Variants in PPP3CA observed in about 807,000 individuals in gnomAD.
PPP3CA encodes protein phosphatase 3 catalytic subunit alpha.
PPP3CA carries 14 observed loss-of-function variants against 66.5 expected under a neutral mutation model. The observed-to-expected ratio is 0.21, with a 90% CI of 0.14 to 0.33. PPP3CA has a LOEUF of 0.33. Ranked by LOEUF, PPP3CA falls within the 10% of genes least tolerant of loss-of-function variation. PPP3CA has a pLI of 1.00. For missense variants in PPP3CA, 317 were observed against 639.5 expected (o/e 0.50, Z 5.44); for synonymous variants, 232 against 226.2 (o/e 1.03, Z -0.23).
At chr4:101,039,805 C>T (rs1207121135) in intron 11 of PPP3CA, among the ~76,000 whole-genome samples, 1 of 144,402 alleles carries the variant, frequency 6.9e-6, no homozygotes, top group Non-Finnish European at 1.6e-5. Flanking sequence ...TTCCTATTTA[C>T]TCGCTAATAT....
intron 2 of PPP3CA, among the ~76,000 whole-genome samples, chr4:101,111,368 T>C (rs1721664107): frequency 6.6e-6 from 1 of 152,144 alleles, no homozygotes; most frequent in Non-Finnish European, 1.5e-5. Flanking sequence ...TGACACTTTG[T>C]ATAGCCCATG....
intron 13 of PPP3CA, among the ~76,000 whole-genome samples, chr4:101,027,308 C>T (rs1421726096): frequency 6.6e-6 from 1 of 151,682 alleles, no homozygotes; most frequent in East Asian, 1.9e-4. Context: ...CTTTACCAGC[C>T]ACTCCTACAC....
At chr4:101,072,469 C>T (rs1280347765) in intron 8 of PPP3CA, among the ~76,000 whole-genome samples, 1 of 152,120 alleles carries the variant, frequency 6.6e-6, no homozygotes, top group East Asian at 1.9e-4. Context: ...TTGTGTCAAC[C>T]TTGGGAAAAA....
chr4:101,291,406 T>C (rs771530258), intron 1 of PPP3CA, among the ~76,000 whole-genome samples: 1 of 152,182 alleles, frequency 6.6e-6, no homozygotes, highest in Non-Finnish European at 1.5e-5. Context: ...TCCCAACACA[T>C]GGTATGCTCA....
chr4:101,099,951 T>C (rs556023248), intron 3 of PPP3CA, among the ~76,000 whole-genome samples: 1 of 151,954 alleles, frequency 6.6e-6, no homozygotes, highest in South Asian at 2.1e-4. Flanking sequence ...CTGAGGATCA[T>C]ATACCACAAG....
chr4:101,230,138 T>G (rs1180352870), intron 1 of PPP3CA, among the ~76,000 whole-genome samples: 1 of 151,664 alleles, frequency 6.6e-6, no homozygotes, highest in African/African-American at 2.4e-5. Flanking sequence ...GAATCATAAA[T>G]GCCTCAATAA....
intron 1 of PPP3CA, among the ~76,000 whole-genome samples, chr4:101,337,172 G>C (rs796824353): frequency 6.6e-6 from 1 of 152,152 alleles, no homozygotes; most frequent in African/African-American, 2.4e-5. Context: ...CCATCCCAAT[G>C]TTAAATGCCC....
At chr4:101,106,370 G>GAGAAAGAAAGAAAGAAAGAA (rs376676040) in intron 3 of PPP3CA, among the ~76,000 whole-genome samples, 1 of 19,062 alleles carries the variant, frequency 5.2e-5, no homozygotes, top group Non-Finnish European at 1.3e-4. Flanking sequence ...ATTTAAAAGA[G>GAGAAAGAAAGAAAGAAAGAA]AGAAAAGAAA....
intron 12 of PPP3CA, among the ~76,000 whole-genome samples, chr4:101,031,401 AATTGT>A (rs767685995): frequency 1.3e-5 from 2 of 152,198 alleles, no homozygotes; most frequent in African/African-American, 2.4e-5. Flanking sequence ...CTATTGTTAA[AATTGT>A]ATTGTATGTA....
intron 1 of PPP3CA, among the ~76,000 whole-genome samples, chr4:101,279,185 T>A (rs192731164): frequency 7.6e-4 from 115 of 151,160 alleles, no homozygotes; most frequent in African/African-American, 2.8e-3. Context: ...AAGAAAAGGG[T>A]AGCCACACAC....
At chr4:101,263,981 C>T (rs1727088809) in intron 1 of PPP3CA, among the ~76,000 whole-genome samples, 3 of 152,188 alleles carry the variant, frequency 2.0e-5, no homozygotes, top group Middle Eastern at 3.4e-3. Context: ...GCCTTAACTC[C>T]GTAATAATTA....
At chr4:101,309,909 C>G (rs750508869) in intron 1 of PPP3CA, among the ~76,000 whole-genome samples, 1 of 152,148 alleles carries the variant, frequency 6.6e-6, no homozygotes, top group Non-Finnish European at 1.5e-5. Context: ...TATTTATCAA[C>G]GACACGTTAT....
At chr4:101,317,730 T>C (rs1343071210) in intron 1 of PPP3CA, among the ~76,000 whole-genome samples, 1 of 152,220 alleles carries the variant, frequency 6.6e-6, no homozygotes, top group Non-Finnish European at 1.5e-5. Flanking sequence ...CTTGATCCAC[T>C]TGATGAAAGT....
At chr4:101,200,435 A>C (rs773632405) in intron 1 of PPP3CA, among the ~76,000 whole-genome samples, 2 of 152,124 alleles carry the variant, frequency 1.3e-5, no homozygotes, top group African/African-American at 4.8e-5. Context: ...TCTGGACTTC[A>C]CATTCATGTA....
intron 1 of PPP3CA, among the ~76,000 whole-genome samples, chr4:101,341,648 T>A (rs1230797492): frequency 2.6e-5 from 4 of 152,198 alleles, no homozygotes. Flanking sequence ...AAGTTGACAG[T>A]GGATACAATT....
intron 1 of PPP3CA, among the ~76,000 whole-genome samples, chr4:101,226,871 T>C (rs1490840225): frequency 1.3e-5 from 2 of 151,682 alleles, no homozygotes; most frequent in African/African-American, 2.4e-5. Context: ...TGAAACACTA[T>C]CACTTCAAGC....
intron 1 of PPP3CA, among the ~76,000 whole-genome samples, chr4:101,299,401 G>A (rs1320702814): frequency 7.0e-6 from 1 of 142,390 alleles, no homozygotes; most frequent in Middle Eastern, 3.6e-3. Flanking sequence ...TTTTTTTTTT[G>A]TTTAGAGACA....
intron 1 of PPP3CA, among the ~76,000 whole-genome samples, chr4:101,327,065 T>C (rs748409972): frequency 1.6e-4 from 24 of 152,160 alleles, no homozygotes; most frequent in Non-Finnish European, 3.2e-4. Context: ...GTCGGAAACC[T>C]TGTGAAGAAG....
intron 1 of PPP3CA, among the ~76,000 whole-genome samples, chr4:101,286,239 T>C (rs758618472): frequency 2.0e-5 from 3 of 152,206 alleles, no homozygotes; most frequent in Non-Finnish European, 4.4e-5. Flanking sequence ...TAACCTCCTG[T>C]GTGCCCAGGT....
Sources: gnomAD v4.1 joint callset for allele counts (sites outside exome capture counted in the v4.1 genomes callset) on GRCh38, gnomAD v4.1.1 for gene constraint, MANE v1.5 for transcripts, NCBI Gene and HGNC (gene_info 2026-07-23, HGNC 2026-07-21) for gene names.